The following KLC1 variants were observed in gnomAD, a reference collection of about 807,000 sequenced individuals.
KLC1 encodes the protein kinesin 2 60/70kDa.
A neutral mutation model predicts 84.2 loss-of-function variants in KLC1; 30 were observed. The ratio of observed to expected loss-of-function variants is 0.36; its 90% CI spans 0.27 to 0.48. The LOEUF is 0.48. Ranked by LOEUF, KLC1 falls within the 20% of genes least tolerant of loss-of-function variation. The pLI is 0.99. For synonymous variants in KLC1, 289 were observed against 293.3 expected, an observed-to-expected ratio of 0.99 and a Z score of 0.15; for missense variants, 499 against 805.4, an observed-to-expected ratio of 0.62 and a Z score of 4.60.
chr14:103,662,126 A>G lies in KLC1; in HGVS notation c.503A>G (p.Asp168Gly), dbSNP rs147000941. 3.7e-6 allele frequency: 6 copies of G among 1,613,656 alleles called. No homozygotes were observed. In the East Asian group the frequency reaches 1.1e-4, roughly 30 times the overall value. Residue 168 changes from aspartate (D) to glycine (G), a missense_variant, in exon 4 of 17, where the codon GAC becomes GGC. Physicochemically the swap from Asp to Gly is moderately conservative, Grantham distance 94. Coordinates refer to ENST00000334553, the MANE Select transcript of KLC1 (RefSeq NM_001394837.1). ...DDDISPSEDK[D>G]TDSTKEPLDD... ...GGGTCTGTTTTATAGGAGGACAAAGACACTGATTCTACCAAAGAGCCTCTG... is the reference window on the plus strand; with the variant it reads ...GGGTCTGTTTTATAGGAGGACAAAGGCACTGATTCTACCAAAGAGCCTCTG...
intron 5 of KLC1, among the ~76,000 whole-genome samples, chr14:103,665,447 G>A (rs2079690533): frequency 6.6e-6 from 1 of 151,884 alleles, no homozygotes; most frequent in Non-Finnish European, 1.5e-5. Context: ...GTCCTGTCTT[G>A]TGTCTTGATG....
intron 1 of KLC1, among the ~76,000 whole-genome samples, chr14:103,642,433 C>G (rs967740231): frequency 1.3e-5 from 2 of 152,100 alleles, no homozygotes; most frequent in Non-Finnish European, 2.9e-5. Flanking sequence ...TGTACAATGT[C>G]CTTAAATTTG....
At chr14:103,670,660 T>G (rs959838219) in intron 7 of KLC1, among the ~76,000 whole-genome samples, 1 of 151,996 alleles carries the variant, frequency 6.6e-6, no homozygotes, top group African/African-American at 2.4e-5. Context: ...TAAAAATTTT[T>G]CGGTTTTAGG....
chr14:103,687,499 G>T (rs1403497541), intron 14 of KLC1: 1 of 163,724 alleles, frequency 6.1e-6, no homozygotes, highest in African/African-American at 2.4e-5. Flanking sequence ...GCAACGAAAT[G>T]TGGGCATTTA....
chr14:103,679,733 C>T, intron 13 of KLC1, 188 bp downstream of exon 13: 2 of 540,670 alleles, frequency 3.7e-6, no homozygotes, highest in Non-Finnish European at 6.6e-6. Context: ...TAATTTTCTT[C>T]TCAGGAATCC....
intron 13 of KLC1, chr14:103,685,471 G>A: frequency 8.1e-7 from 1 of 1,239,846 alleles, no homozygotes; most frequent in Non-Finnish European, 1.0e-6. Context: ...CCTGCTTTAT[G>A]CTGGACTGGT....
chr14:103,647,599 C>T (rs2078046728), intron 1 of KLC1, among the ~76,000 whole-genome samples: 1 of 151,860 alleles, frequency 6.6e-6, no homozygotes, highest in Non-Finnish European at 1.5e-5. Context: ...ATGGCATGGC[C>T]AGGCATGGTG....
intron 3 of KLC1, among the ~76,000 whole-genome samples, chr14:103,661,236 C>T (rs1455756078): frequency 6.6e-6 from 1 of 152,162 alleles, no homozygotes; most frequent in African/African-American, 2.4e-5. Flanking sequence ...TGTTAACTGC[C>T]AACAGCATCC....
intron 13 of KLC1, chr14:103,685,063 C>T (rs35011804): frequency 0.31 from 480,431 of 1,546,722 alleles, 77,536 homozygotes; most frequent in East Asian, 0.33. Flanking sequence ...GGGGCGCAGG[C>T]CCTGCCGTCT....
chr14:103,682,623 G>T (rs1013353372), intron 13 of KLC1: 1 of 151,556 alleles, frequency 6.6e-6, no homozygotes, highest in African/African-American at 2.4e-5. Context: ...GGCAGAGGTT[G>T]CAGTGAGCCA....
chr14:103,666,075 GT>G (rs369484169), intron 5 of KLC1, among the ~76,000 whole-genome samples: 1 of 151,300 alleles, frequency 6.6e-6, no homozygotes, highest in African/African-American at 2.4e-5. Context: ...GCTTCTTTTT[GT>G]TTTTTTTGAG....
rs1305086338 is a variant in KLC1 at position 103,692,422 on chromosome 14, T to C, written c.1845T>C (p.Phe615=). 21 of 1,536,468 alleles carry C rather than the reference T, an allele frequency of 1.4e-5. No homozygotes were observed. The highest frequency in any genetic ancestry group is 1.8e-5 in the Non-Finnish European group (21 of 1,146,986). ...GTGGCAAGGCTGCTGAAGATCGCTT[T>C]CAAGTAAGGAGCCTACCCCGAATTG... ...NVGGKAAEDR[F]QGVSGRASFC... The change falls in exon 15 of 17, where the codon TTT becomes TTC. Residue 615 remains phenylalanine (F), a synonymous_variant. Coordinates refer to ENST00000334553, the MANE Select transcript of KLC1 (RefSeq NM_001394837.1).
At chr14:103,660,544 T>A (rs894378863) in intron 3 of KLC1, among the ~76,000 whole-genome samples, 6 of 151,264 alleles carry the variant, frequency 4.0e-5, no homozygotes, top group African/African-American at 1.5e-4. Flanking sequence ...ATCCCAACAT[T>A]TTGGGAGGCT....
chr14:103,660,596 C>T (rs1371189008), intron 3 of KLC1, among the ~76,000 whole-genome samples: 1 of 152,014 alleles, frequency 6.6e-6, no homozygotes, highest in Non-Finnish European at 1.5e-5. Flanking sequence ...CAAGACCAGC[C>T]TGGCCAACAT....
chr14:103,670,339 GTT>G (rs772308065), intron 7 of KLC1, 56 bp downstream of exon 7: 6,648 of 831,782 alleles, frequency 8.0e-3, no homozygotes, highest in Middle Eastern at 0.01. Context: ...TGTGTGTGTG[GTT>G]TTTTTTTTTT....
At chr14:103,644,371 G>A (rs2077735092) in intron 1 of KLC1, among the ~76,000 whole-genome samples, 1 of 151,318 alleles carries the variant, frequency 6.6e-6, no homozygotes, top group African/African-American at 2.4e-5. Flanking sequence ...GCAATTCTCT[G>A]CCTCAGCTTC....
intron 14 of KLC1, chr14:103,688,088 T>C (rs567564348): frequency 7.9e-5 from 12 of 152,370 alleles, no homozygotes; most frequent in Admixed American, 7.2e-4. Flanking sequence ...ACCGAGTTCT[T>C]CTGGAGAACA....
chr14:103,690,591 C>T (rs1453565157), intron 14 of KLC1, among the ~76,000 whole-genome samples: 1 of 151,828 alleles, frequency 6.6e-6, no homozygotes, highest in East Asian at 1.9e-4. Context: ...GCCTCACAGC[C>T]ACCGTCCTTG....
Position 103,679,474 on chromosome 14 carries a change from G to A in KLC1, c.1579G>A (p.Val527Met), listed in dbSNP as rs375846733. 3.3e-5 allele frequency: 54 copies of A among 1,614,132 alleles called. No homozygotes were observed. The highest frequency in any genetic ancestry group is 4.5e-5 in the Non-Finnish European group (53 of 1,180,018). Residue 527 changes from valine to methionine, a missense_variant, in exon 13 of 17, where the codon GTG (valine) becomes ATG (methionine). Physicochemically the swap from Val to Met is conservative, Grantham distance 21. Around this residue, in one of 3 missense-constraint regions of KLC1, gnomAD observed 167 missense variants for 208.8 expected, o/e 0.80. Coordinates refer to ENST00000334553, the MANE Select transcript of KLC1 (RefSeq NM_001394837.1). ...GCGCAGGAGCCGTGAGAGCCTCAAC[G>A]TGGACGTGGTCAAGTACGAGAGTGG... ...EKRRSRESLN[V>M]DVVKYESGPD...
Sources: allele counts gnomAD v4.1 joint callset (sites outside exome capture counted in the v4.1 genomes callset), GRCh38; gene constraint gnomAD v4.1.1; regional missense constraint gnomAD v4.1.1; transcripts MANE v1.5; gene names NCBI Gene and HGNC (gene_info 2026-07-23, HGNC 2026-07-21).